The following API5 variants were observed in gnomAD, a reference collection of about 807,000 sequenced individuals.
The protein encoded by API5 is apoptosis inhibitor 5.
Under a neutral mutation model 71.9 loss-of-function variants are expected in API5, and 6 were observed. The observed-to-expected ratio is 0.08, with a 90% CI of 0.05 to 0.16. The LOEUF is 0.16. API5 is among the 10% of genes least tolerant of loss of function. The pLI, the probability that API5 is intolerant of heterozygous loss-of-function variation, is 1.00. For synonymous variants in API5, 189 were observed against 221.3 expected, an observed-to-expected ratio of 0.85 and a Z score of 1.30; for missense variants, 332 against 612.8, an observed-to-expected ratio of 0.54 and a Z score of 4.84.
At chr11:43,332,251 AGTT>A (rs1300449431) in intron 11 of API5, among the ~76,000 whole-genome samples, 1 of 152,162 alleles carries the variant, frequency 6.6e-6, no homozygotes, top group Non-Finnish European at 1.5e-5. Flanking sequence ...GTAAGTAAAT[AGTT>A]CTGCAGTGGA....
intron 1 of API5, among the ~76,000 whole-genome samples, chr11:43,313,851 G>A (rs993918639): frequency 2.0e-5 from 3 of 152,114 alleles, no homozygotes; most frequent in Non-Finnish European, 4.4e-5. Context: ...TTCTTTAAGG[G>A]GCGTGGATGG....
chr11:43,322,617 A>G (rs1854932651), intron 5 of API5, among the ~76,000 whole-genome samples: 1 of 152,222 alleles, frequency 6.6e-6, no homozygotes, highest in Non-Finnish European at 1.5e-5. Flanking sequence ...TAAGATTGGC[A>G]AGGTGCGTCA....
At chr11:43,313,886 C>T (rs906897704) in intron 1 of API5, among the ~76,000 whole-genome samples, 2 of 151,966 alleles carry the variant, frequency 1.3e-5, no homozygotes, top group African/African-American at 4.8e-5. Flanking sequence ...ATCAGGAGTT[C>T]GAGACCAGCC....
At position 43,342,467 on chromosome 11, in the gene API5, G is replaced by A. The variant is rs1232752914; in HGVS notation, c.1532G>A (p.Gly511Asp). Residue 511 changes from glycine to aspartate, a missense_variant, in exon 14 of 14, where the codon GGT becomes GAT. By Grantham distance (94) the Gly-to-Asp change is moderately conservative. Around this residue, in one of 3 missense-constraint regions of API5, gnomAD observed 168 missense variants for 343.9 expected, o/e 0.49. Transcript: ENST00000531273. ...GAFRGSRGGR[G>D]WGTRGNRSRG... ...TTCAGGGGAAGTAGAGGTGGCCGAGGTTGGGGCACACGAGGAAATCGTAGT... is the reference window on the plus strand; with the variant it reads ...TTCAGGGGAAGTAGAGGTGGCCGAGATTGGGGCACACGAGGAAATCGTAGT... The A allele has an allele frequency of 6.2e-7, 1 of 1,612,814 alleles. No individual in the cohort carries two copies.
chr11:43,322,171 A>C lies in API5; in HGVS notation c.543+35A>C, dbSNP rs747217162. On this transcript the variant is annotated intron_variant, in intron 5 of 13. Transcript: ENST00000531273. ...GGTCTTCATTTGGTGGAAATTCTCTAAAGCAAAAGAGCATACTTGACATTG... is the reference window on the plus strand; with the variant it reads ...GGTCTTCATTTGGTGGAAATTCTCTCAAGCAAAAGAGCATACTTGACATTG... 7.7e-6 allele frequency: 12 copies of C among 1,561,284 alleles called. No individual in the cohort carries two copies. In the Middle Eastern group the frequency reaches 1.0e-3, roughly 134 times the overall value.
At chr11:43,329,234 A>G (rs1436211485) in intron 9 of API5, 1 of 191,704 alleles carries the variant, frequency 5.2e-6, no homozygotes, top group South Asian at 1.2e-4. Context: ...AGTCCCAGCT[A>G]CTTGCAACAC....
intron 13 of API5, among the ~76,000 whole-genome samples, chr11:43,337,905 T>C (rs1472156588): frequency 6.6e-6 from 1 of 152,182 alleles, no homozygotes; most frequent in African/African-American, 2.4e-5. Context: ...TCAGGTGATA[T>C]AATGCATGTG....
intron 1 of API5, among the ~76,000 whole-genome samples, chr11:43,313,470 T>C (rs923527910): frequency 5.3e-5 from 8 of 152,186 alleles, no homozygotes; most frequent in African/African-American, 1.9e-4. Context: ...ATTTTTCTGC[T>C]TACGCATCCC....
At position 43,325,876 on chromosome 11, in the gene API5, A is replaced by C. The variant is rs532614749; in HGVS notation, c.751-631A>C. Reference sequence around the variant, plus strand: ...GACATTTTGCTGGTTGACATTCTGGAGGGCTAAAGAATAATGTCTGCTTAT... The same window carrying C: ...GACATTTTGCTGGTTGACATTCTGGCGGGCTAAAGAATAATGTCTGCTTAT... On this transcript the variant is annotated intron_variant, in intron 6 of 13. Coordinates refer to ENST00000531273, the MANE Select transcript of API5 (RefSeq NM_001142930.2). Among the ~76,000 whole-genome samples the C allele has an allele frequency of 9.2e-5, 14 of 152,276 alleles. No individual in the cohort carries two copies. In the South Asian group the frequency reaches 2.7e-3, roughly 29 times the overall value.
At chr11:43,314,658 A>G (rs1185556470) in intron 1 of API5, among the ~76,000 whole-genome samples, 2 of 152,196 alleles carry the variant, frequency 1.3e-5, no homozygotes, top group East Asian at 3.9e-4. Context: ...TGCGTTCTGT[A>G]TTGACAACTG....
At position 43,312,598 on chromosome 11, in the gene API5, G is replaced by T. The variant is rs572076927; in HGVS notation, c.69+402G>T. ...CATGAGGTCAAGATGTGTTTTTTTT[G>T]GGGGGGAGGCAAAATTCTGCTACTA... On this transcript the variant is annotated intron_variant, in intron 1 of 13. Transcript: ENST00000531273. Among the ~76,000 whole-genome samples, 5 of 151,930 alleles carry T rather than the reference G, an allele frequency of 3.3e-5. No homozygotes were observed. The East Asian group carries it at 5.8e-4, about 18-fold the overall frequency.
intron 1 of API5, 80 bp downstream of exon 1, chr11:43,312,276 C>A: frequency 6.8e-7 from 1 of 1,477,274 alleles, no homozygotes; most frequent in Non-Finnish European, 9.3e-7. Flanking sequence ...ACTCCCCGGG[C>A]CGAGCGGGGG....
chr11:43,323,361 C>A, intron 5 of API5, 69 bp from the exon 6 acceptor site: 2 of 1,315,680 alleles, frequency 1.5e-6, no homozygotes, highest in Non-Finnish European at 1.1e-6. Context: ...ATTAGCTATT[C>A]TCTTTCAGTG....
intron 6 of API5, among the ~76,000 whole-genome samples, 163 bp downstream of exon 6, chr11:43,323,799 G>A (rs1444710191): frequency 6.6e-6 from 1 of 152,090 alleles, no homozygotes; most frequent in Non-Finnish European, 1.5e-5. Flanking sequence ...ATTGTGCCTG[G>A]TTGAGCATCC....
chr11:43,342,060 A>C (rs1855634364), intron 13 of API5, among the ~76,000 whole-genome samples: 1 of 151,752 alleles, frequency 6.6e-6, no homozygotes, highest in African/African-American at 2.4e-5. Flanking sequence ...CAGAAAGATC[A>C]CTCTAGTCCA....
intron 13 of API5, among the ~76,000 whole-genome samples, chr11:43,337,783 A>C (rs1245962635): frequency 1.3e-5 from 2 of 152,230 alleles, no homozygotes; most frequent in African/African-American, 4.8e-5. Context: ...TAATGAAAGT[A>C]ATCAATAGCT....
chr11:43,315,572 C>T (rs879793665), intron 1 of API5, among the ~76,000 whole-genome samples: 4 of 152,138 alleles, frequency 2.6e-5, no homozygotes, highest in Admixed American at 2.6e-4. Context: ...ATCATACACA[C>T]ACACATACAT....
intron 3 of API5, 65 bp from the exon 4 acceptor site, chr11:43,321,346 G>T: frequency 7.4e-7 from 1 of 1,349,020 alleles, no homozygotes; most frequent in South Asian, 1.2e-5. Context: ...AATCAAGTTT[G>T]AAACTGAAGC....
At position 43,323,533 on chromosome 11, in the gene API5, T is replaced by C. The variant is rs1854964743; in HGVS notation, c.647T>C (p.Leu216Ser). The change falls in exon 6 of 14, where the codon TTG becomes TCG. Residue 216 changes from leucine (L) to serine (S), a missense_variant. By Grantham distance (145) the Leu-to-Ser change is moderately radical. Coordinates refer to ENST00000531273, the MANE Select transcript of API5 (RefSeq NM_001142930.2). ...TVSGRQQLVE[L>S]VAEQADLEQT... ...AGTGGAAGACAGCAACTTGTAGAGT[T>C]GGTGGCTGAACAGGCCGACCTAGAA... The C allele has an allele frequency of 7.4e-6, 12 of 1,614,152 alleles. No individual in the cohort carries two copies. In the East Asian group the frequency reaches 2.7e-4, roughly 36 times the overall value.
Sources: gnomAD v4.1 joint callset for allele counts (sites outside exome capture counted in the v4.1 genomes callset) on GRCh38, gnomAD v4.1.1 for gene constraint, gnomAD v4.1.1 regional missense constraint, MANE v1.5 for transcripts, NCBI Gene and HGNC (gene_info 2026-07-23, HGNC 2026-07-21) for gene names.